Variants in SLC15A5 observed in about 807,000 individuals in gnomAD.
The protein encoded by SLC15A5 is Peptide/histidine transporter ENSP00000340402.
SLC15A5 carries 58 observed loss-of-function variants against 56.1 expected under a neutral mutation model. The observed-to-expected ratio is 1.03, with a 90% CI of 0.84 to 1.29. The LOEUF is 1.29. SLC15A5 is among the 50% of genes most tolerant of loss of function. The pLI, the probability that SLC15A5 is intolerant of heterozygous loss-of-function variation, is 0.00. For synonymous variants in SLC15A5, 264 were observed against 250.5 expected, an observed-to-expected ratio of 1.05 and a Z score of -0.51; for missense variants, 681 against 672.1, an observed-to-expected ratio of 1.01 and a Z score of -0.15.
At chr12:16,267,800 G>A (rs1165950374) in intron 2 of SLC15A5, among the ~76,000 whole-genome samples, 1 of 90,316 alleles carries the variant, frequency 1.1e-5, no homozygotes, top group Middle Eastern at 4.9e-3. Flanking sequence ...CTGGTGCAGG[G>A]TGTTCACAGC....
At chr12:16,267,033 C>G (rs1864704017) in intron 2 of SLC15A5, among the ~76,000 whole-genome samples, 1 of 152,030 alleles carries the variant, frequency 6.6e-6, no homozygotes, top group African/African-American at 2.4e-5. Flanking sequence ...TTAAATTACT[C>G]AAATATTTTG....
intron 3 of SLC15A5, among the ~76,000 whole-genome samples, chr12:16,245,680 C>T (rs904362232): frequency 6.6e-6 from 1 of 152,124 alleles, no homozygotes; most frequent in Admixed American, 6.5e-5. Context: ...CCAGAAATTA[C>T]GTAGACACCA....
At chr12:16,251,044 C>T (rs140053391) in intron 3 of SLC15A5, among the ~76,000 whole-genome samples, 76 of 151,950 alleles carry the variant, frequency 5.0e-4, no homozygotes, top group African/African-American at 1.8e-3. Flanking sequence ...ATATAATGCT[C>T]TAAAAATTGA....
intron 7 of SLC15A5, among the ~76,000 whole-genome samples, chr12:16,205,387 A>C (rs1413940741): frequency 6.6e-6 from 1 of 151,576 alleles, no homozygotes; most frequent in African/African-American, 2.4e-5. Context: ...ATCCTCACTG[A>C]AGGAATAATC....
intron 1 of SLC15A5, among the ~76,000 whole-genome samples, chr12:16,276,965 T>A (rs969763654): frequency 6.6e-6 from 1 of 152,094 alleles, no homozygotes; most frequent in African/African-American, 2.4e-5. Context: ...TCATCTTAGT[T>A]GTGAAGCAAA....
intron 3 of SLC15A5, among the ~76,000 whole-genome samples, chr12:16,250,818 A>C (rs889243673): frequency 1.3e-4 from 20 of 152,004 alleles, no homozygotes; most frequent in Non-Finnish European, 2.5e-4. Flanking sequence ...CCTGAAAGTG[A>C]GTAAAACTTT....
At chr12:16,199,766 G>A (rs192973011) in intron 7 of SLC15A5, among the ~76,000 whole-genome samples, 66 of 152,192 alleles carry the variant, frequency 4.3e-4, no homozygotes, top group Non-Finnish European at 7.5e-4. Flanking sequence ...AATAAAAGAA[G>A]TAATGGGAAT....
At chr12:16,272,270 C>A (rs1279661599) in intron 2 of SLC15A5, among the ~76,000 whole-genome samples, 6 of 152,168 alleles carry the variant, frequency 3.9e-5, no homozygotes, top group African/African-American at 7.2e-5. Context: ...CCACCCAGGT[C>A]TCTTTGGTTC....
chr12:16,222,206 G>T (rs1864194361), intron 6 of SLC15A5, among the ~76,000 whole-genome samples: 1 of 152,142 alleles, frequency 6.6e-6, no homozygotes, highest in African/African-American at 2.4e-5. Flanking sequence ...ACAACTCCCT[G>T]TTTTATAGAT....
intron 7 of SLC15A5, among the ~76,000 whole-genome samples, chr12:16,216,410 T>A (rs900044482): frequency 2.6e-5 from 4 of 152,206 alleles, no homozygotes; most frequent in African/African-American, 9.6e-5. Flanking sequence ...TAGTTGTTTC[T>A]CCTGACCAAA....
intron 5 of SLC15A5, 22 bp from the exon 6 acceptor site, chr12:16,224,624 GAA>G (rs750932738): frequency 6.6e-7 from 1 of 1,504,768 alleles, no homozygotes; most frequent in East Asian, 2.5e-5. Context: ...TAATGCAAAA[GAA>G]AAAAAAGTTA....
At chr12:16,236,361 T>C (rs182177311) in intron 5 of SLC15A5, among the ~76,000 whole-genome samples, 61 of 152,318 alleles carry the variant, frequency 4.0e-4, no homozygotes, top group Non-Finnish European at 5.6e-4. Flanking sequence ...AAGTGTAATA[T>C]TAAGAAAATG....
intron 1 of SLC15A5, among the ~76,000 whole-genome samples, chr12:16,274,374 A>C (rs530719390): frequency 6.6e-6 from 1 of 152,042 alleles, no homozygotes; most frequent in Non-Finnish European, 1.5e-5. Context: ...TGGCTCCTCC[A>C]TGTTCGTTTT....
chr12:16,276,156 T>C (rs1253300136), intron 1 of SLC15A5, among the ~76,000 whole-genome samples: 1 of 152,042 alleles, frequency 6.6e-6, no homozygotes, highest in Non-Finnish European at 1.5e-5. Context: ...TGTTGAGTGA[T>C]TATTTGCCAT....
intron 7 of SLC15A5, among the ~76,000 whole-genome samples, chr12:16,205,529 G>T (rs1864005991): frequency 7.9e-5 from 2 of 25,402 alleles, no homozygotes; most frequent in African/African-American, 1.4e-4. Flanking sequence ...AGAAGGGAAA[G>T]GTGCATATAT....
rs550897495 is a variant in SLC15A5 at position 16,208,839 on chromosome 12, T to C, written c.1483+8054A>G. ...AAGGAGGTATGTCCTCAATATTGCA[T>C]AGGACATTCTTAAAGACCAAAAAGT... On this transcript the variant is annotated intron_variant, in intron 7 of 8. Coordinates refer to ENST00000344941, the MANE Select transcript of SLC15A5 (RefSeq NM_001170798.1). 8.0e-4 allele frequency among the ~76,000 whole-genome samples: 122 copies of C among 152,312 alleles called. 1 individual carries two copies. Among genetic ancestry groups the C allele is most frequent in the Non-Finnish European group, 1.5e-3 (104 of 68,024 alleles).
rs142466160 is a variant in SLC15A5, at chr12:16,244,585, T to A, written c.970A>T (p.Met324Leu). ...TACTCATCGCCTGTCCTTACCTGCA[T>A]AATGCACATTCTGTATAGGAGCTGA... The part of the protein sequence containing the change: ...IFQLLYRMCI[M>L]QIPSGYYLQT... The change falls in exon 4 of 9, where the codon ATG becomes TTG. Residue 324 changes from methionine to leucine, a missense_variant. Transcript: ENST00000344941. 1 of 1,537,570 alleles carries A rather than the reference T, an allele frequency of 6.5e-7. No individual in the cohort carries two copies. The highest frequency in any genetic ancestry group is 1.4e-5 in the African/African-American group (1 of 73,138).
chr12:16,256,879 A>C (rs1864580047), intron 3 of SLC15A5, among the ~76,000 whole-genome samples: 1 of 148,244 alleles, frequency 6.7e-6, no homozygotes, highest in African/African-American at 2.5e-5. Context: ...AATAATAATA[A>C]TAATAAATTA....
At chr12:16,201,814 G>A (rs1232641075) in intron 7 of SLC15A5, among the ~76,000 whole-genome samples, 1 of 151,994 alleles carries the variant, frequency 6.6e-6, no homozygotes, top group Non-Finnish European at 1.5e-5. Flanking sequence ...CCCAGTCTTG[G>A]GCAGCTGTTT....
Sources: allele counts gnomAD v4.1 joint callset (sites outside exome capture counted in the v4.1 genomes callset), GRCh38; gene constraint gnomAD v4.1.1; transcripts MANE v1.5; gene names NCBI Gene and HGNC (gene_info 2026-07-23, HGNC 2026-07-21).